The following A2M variants were observed in gnomAD, a reference collection of about 807,000 sequenced individuals.
A2M encodes the protein C3 and PZP-like alpha-2-macroglobulin domain-containing protein 5.
Under a neutral mutation model 183.9 loss-of-function variants are expected in A2M, and 128 were observed. The observed-to-expected ratio is 0.70, with a 90% CI of 0.60 to 0.81. A2M has a LOEUF of 0.81. Among genes scored for constraint, A2M ranks in the 30% least tolerant of loss-of-function variants. The probability of loss-of-function intolerance (pLI) is 0.00; values close to 1 mark genes in which losing one functional copy is unlikely to be tolerated. For synonymous variants in A2M, 592 were observed against 670.8 expected (o/e 0.88, Z 1.81); for missense variants, 1,495 against 1,787.6 (o/e 0.84, Z 2.95).
rs60105910 is a variant in A2M, at chr12:9,090,289, A to C, written c.2596+67T>G. 3.0e-3 allele frequency: 4,842 copies of C among 1,608,270 alleles called. 132 individuals are homozygous for C. In the African/African-American group the frequency reaches 0.058, roughly 19 times the overall value. ...CTTTTCCTGAAGGAAGTAGCACTCAATATAAGGTTCCCACTGCCATATACA... is the reference window on the plus strand; with the variant it reads ...CTTTTCCTGAAGGAAGTAGCACTCACTATAAGGTTCCCACTGCCATATACA... On this transcript the variant is annotated intron_variant, in intron 20 of 35. Transcript: ENST00000318602.
At chr12:9,077,116 T>C (rs1343824106) in intron 27 of A2M, among the ~76,000 whole-genome samples, 180 bp from the exon 28 acceptor site, 2 of 152,234 alleles carry the variant, frequency 1.3e-5, no homozygotes, top group Non-Finnish European at 2.9e-5. Context: ...AAGATACATC[T>C]TTAAGATTCT....
intron 13 of A2M, 76 bp downstream of exon 13, chr12:9,101,064 AAAGT>A: frequency 7.6e-7 from 1 of 1,318,860 alleles, no homozygotes; most frequent in Non-Finnish European, 1.0e-6. Context: ...AAAAAAAGGG[AAAGT>A]ATTCTGATAC....
intron 2 of A2M, 28 bp downstream of exon 2, chr12:9,113,332 G>C: frequency 3.7e-6 from 6 of 1,609,276 alleles, no homozygotes; most frequent in Non-Finnish European, 5.1e-6. Context: ...AAAGAACCAA[G>C]TATATTAAGT....
intron 22 of A2M, among the ~76,000 whole-genome samples, chr12:9,086,038 G>C (rs1337569154): frequency 6.6e-6 from 1 of 152,030 alleles, no homozygotes; most frequent in Admixed American, 6.6e-5. Context: ...AATAACTGTT[G>C]GCTTCACTGC....
At chr12:9,086,283 T>C (rs1485145868) in intron 22 of A2M, among the ~76,000 whole-genome samples, 1 of 152,214 alleles carries the variant, frequency 6.6e-6, no homozygotes, top group Non-Finnish European at 1.5e-5. Context: ...GGCATACACC[T>C]GTGGGTGGCT....
Position 9,109,331 on chromosome 12 carries a change from C to T in A2M, c.748G>A (p.Val250Met), listed in dbSNP as rs758306852. 7 of 1,612,066 alleles carry T rather than the reference C, an allele frequency of 4.3e-6. No individual in the cohort carries two copies. In the Admixed American group the frequency reaches 1.0e-4, roughly 23 times the overall value. ...AAAAAATGAACTCACAGGCCACACA[C>T]TGATACATTCATCTCTTCTTCCAAG... ...TILEEEMNVS[V>M]CGLYTYGKPV... Residue 250 changes from valine to methionine, a missense_variant, in exon 7 of 36, where the codon GTG (valine) becomes ATG (methionine). Physicochemically the swap from Val to Met is conservative, Grantham distance 21. Coordinates refer to ENST00000318602, the MANE Select transcript of A2M (RefSeq NM_000014.6).
At position 9,068,843 on chromosome 12, in the gene A2M, C is replaced by T. The variant is rs1948475197; in HGVS notation, c.4264-1G>A. 6.3e-7 allele frequency: 1 copy of T among 1,584,624 alleles called. No homozygotes were observed. Among genetic ancestry groups the T allele is most frequent in the African/African-American group, 1.3e-5 (1 of 74,284 alleles). The stretch of plus-strand genomic sequence containing the variant: ...ACAAGCTCAGTGTCTGATTTGACAC[C>T]TGGAAAGCAAAAGTCAATTAAATGA... On this transcript the variant is annotated splice_acceptor_variant, in intron 33 of 35. Coordinates refer to ENST00000318602, the MANE Select transcript of A2M (RefSeq NM_000014.6). LOFTEE classifies it high-confidence loss of function.
intron 17 of A2M, 123 bp from the exon 18 acceptor site, chr12:9,093,702 G>A: frequency 3.6e-6 from 2 of 559,450 alleles, no homozygotes; most frequent in South Asian, 7.5e-5. Context: ...AGAGAGGAAG[G>A]AGGAGAGGGC....
intron 12 of A2M, 81 bp downstream of exon 12, chr12:9,101,366 C>T: frequency 7.4e-7 from 1 of 1,354,724 alleles, no homozygotes; most frequent in Non-Finnish European, 1.0e-6. Flanking sequence ...GAAGTAATGA[C>T]ATCTAAAGAG....
intron 7 of A2M, among the ~76,000 whole-genome samples, chr12:9,107,918 A>G (rs952197493): frequency 6.6e-6 from 1 of 151,656 alleles, no homozygotes; most frequent in African/African-American, 2.4e-5. Flanking sequence ...TTATTATAAA[A>G]CTTAAACCCG....
Position 9,079,798 on chromosome 12 carries a change from C to A in A2M, c.2872G>T (p.Ala958Ser), listed in dbSNP as rs1159430777. 1 of 1,609,474 alleles carries A rather than the reference C, an allele frequency of 6.2e-7. No individual in the cohort carries two copies. The highest frequency in any genetic ancestry group is 1.7e-5 in the Admixed American group (1 of 59,516). ...VSVLGDILGS[A>S]MQNTQNLLQM... ...AGAAGATTTTGTGTGTTTTGCATGG[C>A]AGAGCCTAATATGTCTCCTAGAGAA... Residue 958 changes from alanine (A) to serine (S), a missense_variant, in exon 24 of 36, where the codon GCC (alanine) becomes TCC (serine). Transcript: ENST00000318602.
intron 22 of A2M, among the ~76,000 whole-genome samples, chr12:9,081,808 G>A (rs1317660285): frequency 1.3e-5 from 2 of 152,246 alleles, no homozygotes; most frequent in East Asian, 1.9e-4. Flanking sequence ...AACACAGGAA[G>A]TAATGAGGTC....
intron 7 of A2M, among the ~76,000 whole-genome samples, chr12:9,108,825 G>A (rs1168989526): frequency 1.3e-5 from 2 of 152,222 alleles, no homozygotes; most frequent in Non-Finnish European, 2.9e-5. Flanking sequence ...AGGTGGACTA[G>A]TGAGTTAGAT....
At chr12:9,090,664 G>A in intron 19 of A2M, 182 bp from the exon 20 acceptor site, 3 of 603,888 alleles carry the variant, frequency 5.0e-6, no homozygotes, top group South Asian at 2.2e-5. Context: ...ATTTACACAG[G>A]TAAATCTGAG....
In A2M at chr12:9,107,822, T is replaced by C. The variant is rs996647105; in HGVS notation, c.759-178A>G. ...CTAATGGCTCTTATAGAAATCTCCA[T>C]TGCAACATGCTGAAATTTACATTCT... On this transcript the variant is annotated intron_variant, in intron 7 of 35. Transcript: ENST00000318602. 1.9e-4 allele frequency among the ~76,000 whole-genome samples: 29 copies of C among 152,218 alleles called. 1 individual carries two copies. Among genetic ancestry groups the C allele is most frequent in the Admixed American group, 2.0e-4 (3 of 15,284 alleles).
chr12:9,111,396 A>T (rs1938717221), intron 4 of A2M: 1 of 390,522 alleles, frequency 2.6e-6, no homozygotes, highest in Non-Finnish European at 5.1e-6. Context: ...GCCTCATTTT[A>T]GACAGAGGAG....
chr12:9,074,449 T>A, intron 29 of A2M, 111 bp downstream of exon 29: 2 of 1,105,904 alleles, frequency 1.8e-6, no homozygotes, highest in Non-Finnish European at 1.3e-6. Context: ...CTTTTCCTCA[T>A]TTCAAGTTAC....
chr12:9,087,769 T>C (rs1481820381), intron 22 of A2M, among the ~76,000 whole-genome samples: 5 of 152,096 alleles, frequency 3.3e-5, no homozygotes, highest in Non-Finnish European at 7.4e-5. Context: ...TTATAAATGG[T>C]CAGTTTACAA....
chr12:9,082,438 C>T (rs1948934755), intron 22 of A2M, among the ~76,000 whole-genome samples: 1 of 152,208 alleles, frequency 6.6e-6, no homozygotes, highest in Admixed American at 6.5e-5. Context: ...AGTGGCCCTA[C>T]CAAACATAAG....
Sources: gnomAD v4.1 joint callset for allele counts (sites outside exome capture counted in the v4.1 genomes callset) on GRCh38, gnomAD v4.1.1 for gene constraint, MANE v1.5 for transcripts, NCBI Gene and HGNC (gene_info 2026-07-23, HGNC 2026-07-21) for gene names.